GNA14: variants seen among roughly 807,000 people sequenced by gnomAD.
The protein encoded by GNA14 is G protein subunit alpha 14.
A neutral mutation model predicts 42.0 loss-of-function variants in GNA14; 50 were observed. The observed-to-expected ratio is 1.19, with a 90% CI of 0.95 to 1.51. GNA14 has a LOEUF of 1.51. GNA14 is among the 40% of genes most tolerant of loss of function. The probability of loss-of-function intolerance (pLI) is 0.00; values close to 1 mark genes in which losing one functional copy is unlikely to be tolerated. For missense variants in GNA14, 473 were observed against 446.2 expected (o/e 1.06, Z -0.54); for synonymous variants, 173 against 163.1 (o/e 1.06, Z -0.46).
chr9:77,469,828 C>CA (rs1420147434), intron 2 of GNA14, among the ~76,000 whole-genome samples: 2 of 152,302 alleles, frequency 1.3e-5, no homozygotes, highest in Admixed American at 6.5e-5. Context: ...TGTTTTCACT[C>CA]ATTCAAACCT....
chr9:77,434,490 C>G lies in GNA14; in HGVS notation c.342G>C (p.Val114=). 1 of 1,613,854 alleles carries G rather than the reference C, an allele frequency of 6.2e-7. No homozygotes were observed. The highest frequency in any genetic ancestry group is 8.5e-7 in the Non-Finnish European group (1 of 1,179,846). ...CCCTGGAGAGCATGGAGACCTTGTCCACTTCCACTTCTCTGATTATCTGGG... is the reference window on the plus strand; with the variant it reads ...CCCTGGAGAGCATGGAGACCTTGTCGACTTCCACTTCTCTGATTATCTGGG... The part of the protein sequence containing the change: ...ENAQIIREVE[V]DKVSMLSREQ... The change falls in exon 3 of 7, where the codon GTG becomes GTC. Residue 114 remains valine (V), a synonymous_variant. Coordinates refer to ENST00000341700, the MANE Select transcript of GNA14 (RefSeq NM_004297.4).
At chr9:77,558,315 T>C (rs917995232) in intron 1 of GNA14, among the ~76,000 whole-genome samples, 3 of 152,026 alleles carry the variant, frequency 2.0e-5, no homozygotes, top group Non-Finnish European at 2.9e-5. Flanking sequence ...GACAGACAAA[T>C]AGATAAGCAA....
intron 2 of GNA14, among the ~76,000 whole-genome samples, chr9:77,481,566 T>C (rs2131728941): frequency 6.6e-6 from 1 of 152,290 alleles, no homozygotes; most frequent in Non-Finnish European, 1.5e-5. Context: ...CTATTAGGTC[T>C]GCTTGGTGCA....
intron 1 of GNA14, among the ~76,000 whole-genome samples, chr9:77,581,261 G>T (rs1007257215): frequency 6.6e-6 from 1 of 152,200 alleles, no homozygotes; most frequent in Non-Finnish European, 1.5e-5. Flanking sequence ...GAAGCTTGCT[G>T]CCATCTTGTA....
chr9:77,454,837 GA>G (rs1835972326), intron 2 of GNA14, among the ~76,000 whole-genome samples: 1 of 152,136 alleles, frequency 6.6e-6, no homozygotes, highest in South Asian at 2.1e-4. Context: ...CTTTTAATGT[GA>G]CACATATATT....
At chr9:77,616,141 C>A (rs1258123910) in intron 1 of GNA14, among the ~76,000 whole-genome samples, 3 of 152,186 alleles carry the variant, frequency 2.0e-5, no homozygotes, top group Non-Finnish European at 4.4e-5. Context: ...TACCATAGCA[C>A]ACATTGTGCA....
At chr9:77,478,678 C>G (rs1258322413) in intron 2 of GNA14, among the ~76,000 whole-genome samples, 1 of 152,164 alleles carries the variant, frequency 6.6e-6, no homozygotes, top group African/African-American at 2.4e-5. Flanking sequence ...TCCACATCCT[C>G]TCCAGCACCT....
intron 1 of GNA14, 144 bp from the exon 2 acceptor site, chr9:77,529,397 T>C (rs1373291773): frequency 2.8e-6 from 2 of 705,896 alleles, no homozygotes; most frequent in East Asian, 5.1e-5. Flanking sequence ...CAAATGGTTA[T>C]GCAGTTTTCG....
chr9:77,634,637 A>C (rs1399442061), intron 1 of GNA14, among the ~76,000 whole-genome samples: 1 of 152,134 alleles, frequency 6.6e-6, no homozygotes, highest in Non-Finnish European at 1.5e-5. Context: ...TATCCAAAAA[A>C]AATCAATTCT....
intron 3 of GNA14, among the ~76,000 whole-genome samples, chr9:77,432,904 C>G (rs762185825): frequency 2.0e-5 from 3 of 152,166 alleles, no homozygotes; most frequent in Non-Finnish European, 4.4e-5. Flanking sequence ...CTCGAGCTGT[C>G]AAAGGCAAGC....
intron 1 of GNA14, among the ~76,000 whole-genome samples, chr9:77,574,847 C>T (rs544448472): frequency 2.0e-5 from 3 of 152,200 alleles, no homozygotes; most frequent in Non-Finnish European, 4.4e-5. Context: ...GTCTTATGTG[C>T]CTTGTCCCAG....
At chr9:77,580,233 T>C (rs1823200187) in intron 1 of GNA14, 2 of 288,722 alleles carry the variant, frequency 6.9e-6, no homozygotes, top group African/African-American at 4.4e-5. Context: ...CAAGGCCAGG[T>C]GATGCTCCAG....
At chr9:77,440,959 G>A (rs761047233) in intron 2 of GNA14, among the ~76,000 whole-genome samples, 6 of 152,152 alleles carry the variant, frequency 3.9e-5, no homozygotes, top group Admixed American at 2.0e-4. Flanking sequence ...CAAGTGATCC[G>A]CCCACCTCAG....
chr9:77,575,565 C>T (rs770413659), intron 1 of GNA14, among the ~76,000 whole-genome samples: 2 of 152,100 alleles, frequency 1.3e-5, no homozygotes, highest in Non-Finnish European at 2.9e-5. Context: ...TTTTAAACTA[C>T]TGATATCGGT....
rs1824385841 is a variant in GNA14 at position 77,647,864 on chromosome 9, C to T, written c.-71G>A. The T allele has an allele frequency of 1.3e-6, 2 of 1,544,284 alleles. No homozygotes were observed. The highest frequency in any genetic ancestry group is 3.9e-5 in the Admixed American group (2 of 51,818). ...CCCGAATCCTCGGCCCGGCCGCTCA[C>T]CCGGCCAGCATGCGACGGGCACAGG... On this transcript the variant is annotated 5_prime_UTR_variant, in exon 1 of 7. The change creates a new upstream start codon in the 5' untranslated region. Transcript: ENST00000341700.
chr9:77,520,987 A>T (rs942659163), intron 2 of GNA14, among the ~76,000 whole-genome samples: 1 of 152,204 alleles, frequency 6.6e-6, no homozygotes, highest in East Asian at 1.9e-4. Context: ...GGCAATCAAG[A>T]AGAAAGTTCA....
chr9:77,538,095 A>G (rs4744834), intron 1 of GNA14, among the ~76,000 whole-genome samples: 101,151 of 148,544 alleles, frequency 0.68, 34,731 homozygotes, highest in Admixed American at 0.73. Context: ...TAAAGAGACA[A>G]GGTTTCATTC....
chr9:77,581,644 G>A (rs998924964), intron 1 of GNA14, among the ~76,000 whole-genome samples: 2 of 152,112 alleles, frequency 1.3e-5, no homozygotes, highest in African/African-American at 4.8e-5. Context: ...TACCCCAATC[G>A]GATCCTTTTA....
intron 1 of GNA14, among the ~76,000 whole-genome samples, chr9:77,565,603 A>G (rs1392699961): frequency 2.0e-5 from 3 of 152,002 alleles, no homozygotes; most frequent in Non-Finnish European, 4.4e-5. Context: ...GATTACAGGC[A>G]TGCGCCGCCA....
Sources: gnomAD v4.1 joint callset for allele counts (sites outside exome capture counted in the v4.1 genomes callset) on GRCh38, gnomAD v4.1.1 for gene constraint, MANE v1.5 for transcripts, NCBI Gene and HGNC (gene_info 2026-07-23, HGNC 2026-07-21) for gene names.